The following TNS3 variants were observed in gnomAD, a reference collection of about 807,000 sequenced individuals.
TNS3 encodes the protein tensin 3, also known as tensin-3.
Under a neutral mutation model 140.9 loss-of-function variants are expected in TNS3, and 45 were observed. The ratio of observed to expected loss-of-function variants is 0.32; its 90% confidence interval spans 0.25 to 0.41. The LOEUF is 0.41. TNS3 is among the 10% of genes least tolerant of loss of function. The probability of loss-of-function intolerance (pLI) is 1.00; values close to 1 mark genes in which losing one functional copy is unlikely to be tolerated. For missense variants in TNS3, 1,716 were observed against 1,906.7 expected (o/e 0.90, Z 1.86); for synonymous variants, 815 against 788.4 (o/e 1.03, Z -0.56).
chr7:47,340,624 C>G (rs1362174020), intron 20 of TNS3, among the ~76,000 whole-genome samples: 2 of 132,972 alleles, frequency 1.5e-5, no homozygotes, highest in Non-Finnish European at 3.1e-5. Context: ...CACTGTCGCC[C>G]AGGCTGGAGT....
chr7:47,488,557 A>C (rs1194306017), intron 3 of TNS3, among the ~76,000 whole-genome samples: 1 of 152,222 alleles, frequency 6.6e-6, no homozygotes, highest in East Asian at 1.9e-4. Context: ...TAAGGACACC[A>C]GTCATACTGG....
chr7:47,551,501 G>A (rs888880780), intron 1 of TNS3, among the ~76,000 whole-genome samples: 5 of 152,362 alleles, frequency 3.3e-5, no homozygotes, highest in African/African-American at 1.2e-4. Flanking sequence ...TAGCCACCAG[G>A]AGCAGGGGAG....
At chr7:47,292,994 G>T in intron 25 of TNS3, 89 bp from the exon 26 acceptor site, 1 of 1,163,338 alleles carries the variant, frequency 8.6e-7, no homozygotes, top group Non-Finnish European at 1.3e-6. Flanking sequence ...TGAAACGGAT[G>T]CAAAGGCTGA....
chr7:47,571,164 C>A (rs1800546580), intron 1 of TNS3, among the ~76,000 whole-genome samples: 1 of 152,214 alleles, frequency 6.6e-6, no homozygotes, highest in South Asian at 2.1e-4. Flanking sequence ...TGACCAACCA[C>A]AGATGAAAGA....
intron 3 of TNS3, among the ~76,000 whole-genome samples, chr7:47,496,749 A>C (rs573401517): frequency 3.9e-4 from 59 of 152,342 alleles, no homozygotes; most frequent in Admixed American, 6.5e-4. Flanking sequence ...TCACATCAGA[A>C]GTCCAAGACC....
chr7:47,302,312 C>A lies in TNS3; in HGVS notation c.3458-40G>T, dbSNP rs374487221. ...TTAAAAACAGTGACCATGATGGGCA[C>A]TTTTCTTCTTGCAACCTCTCATCTG... On this transcript the variant is annotated intron_variant, in intron 22 of 30. Coordinates refer to ENST00000311160, the MANE Select transcript of TNS3 (RefSeq NM_022748.12). The A allele has an allele frequency of 7.3e-4, 1,114 of 1,527,192 alleles. 2 individuals carry two copies. Among genetic ancestry groups the A allele is most frequent in the Non-Finnish European group, 9.5e-4 (1,051 of 1,101,152 alleles). 94.6% of individuals were successfully genotyped at this position (1,527,192 alleles called of 1,614,324 possible).
chr7:47,484,667 G>A (rs1267901797), intron 3 of TNS3, among the ~76,000 whole-genome samples: 1 of 152,214 alleles, frequency 6.6e-6, no homozygotes, highest in Non-Finnish European at 1.5e-5. Flanking sequence ...CATCCCTGCT[G>A]GAGCGCACAC....
At chr7:47,286,914 G>A (rs550092524) in intron 27 of TNS3, among the ~76,000 whole-genome samples, 1 of 152,242 alleles carries the variant, frequency 6.6e-6, no homozygotes, top group Admixed American at 6.5e-5. Flanking sequence ...CCAAGTACAA[G>A]GAAAAAGGCA....
chr7:47,417,048 T>C (rs1285787985), intron 10 of TNS3, among the ~76,000 whole-genome samples: 1 of 152,214 alleles, frequency 6.6e-6, no homozygotes, highest in East Asian at 1.9e-4. Flanking sequence ...CTGGGGGTGT[T>C]CTCAGTGCCC....
intron 16 of TNS3, among the ~76,000 whole-genome samples, chr7:47,386,064 C>G (rs1399814951): frequency 3.3e-5 from 5 of 152,228 alleles, no homozygotes; most frequent in Non-Finnish European, 7.3e-5. Context: ...ACTGTCAACA[C>G]CATGAATCCT....
At chr7:47,462,274 A>G (rs1417888555) in intron 4 of TNS3, among the ~76,000 whole-genome samples, 2 of 152,228 alleles carry the variant, frequency 1.3e-5, no homozygotes, top group Non-Finnish European at 2.9e-5. Context: ...TCATTGTCAC[A>G]GCAAGTTATT....
intron 3 of TNS3, among the ~76,000 whole-genome samples, chr7:47,485,733 G>A (rs1411774011): frequency 6.6e-6 from 1 of 152,214 alleles, no homozygotes; most frequent in Non-Finnish European, 1.5e-5. Context: ...AGCTATCCTG[G>A]GATCCTAATC....
intron 2 of TNS3, among the ~76,000 whole-genome samples, chr7:47,515,070 A>G (rs1798735448): frequency 6.6e-6 from 1 of 152,236 alleles, no homozygotes; most frequent in African/African-American, 2.4e-5. Flanking sequence ...CCCATTGCTC[A>G]ATGTCATTTC....
chr7:47,568,491 C>T (rs538933560), intron 1 of TNS3, among the ~76,000 whole-genome samples: 4 of 152,218 alleles, frequency 2.6e-5, no homozygotes, highest in Non-Finnish European at 5.9e-5. Flanking sequence ...TGAGACACAG[C>T]AGGCACTCAC....
chr7:47,443,303 T>C (rs1795561625), intron 4 of TNS3, among the ~76,000 whole-genome samples: 2 of 152,190 alleles, frequency 1.3e-5, no homozygotes, highest in Non-Finnish European at 2.9e-5. Flanking sequence ...TGGCACCGCA[T>C]GGCCACTGCC....
At position 47,533,123 on chromosome 7, in the gene TNS3, A is replaced by ATATATTTTTTT. The variant is rs1186427934; in HGVS notation, c.-264-3977_-264-3976insAAAAAAATATA. 3.8e-4 allele frequency among the ~76,000 whole-genome samples: 34 copies of ATATATTTTTTT among 88,822 alleles called. 2 individuals are homozygous for ATATATTTTTTT. The highest frequency in any genetic ancestry group is 2.1e-3 in the African/African-American group (34 of 16,006). 58.3% of individuals were successfully genotyped at this position (88,822 alleles called of 152,430 possible). ...AGATTTTATATATATATATATATATATTTTTTTTTTTTTTTTTTTTTTTTT... is the reference window on the plus strand; with the variant it reads ...AGATTTTATATATATATATATATATATATATTTTTTTTTTTTTTTTTTTTTTTTTTTTTTTT... On this transcript the variant is annotated intron_variant, in intron 1 of 30. Transcript: ENST00000311160.
intron 1 of TNS3, among the ~76,000 whole-genome samples, chr7:47,548,414 G>T (rs926653030): frequency 2.0e-5 from 3 of 152,092 alleles, no homozygotes; most frequent in Non-Finnish European, 4.4e-5. Flanking sequence ...AAGGTTCATG[G>T]GCTCCAGAAT....
At chr7:47,326,924 G>A (rs1020716155) in intron 20 of TNS3, among the ~76,000 whole-genome samples, 2 of 152,292 alleles carry the variant, frequency 1.3e-5, no homozygotes, top group Admixed American at 6.5e-5. Flanking sequence ...TGCAGTGCTC[G>A]TTTCACAATA....
At chr7:47,315,418 G>C (rs535303559) in intron 20 of TNS3, among the ~76,000 whole-genome samples, 51 of 152,338 alleles carry the variant, frequency 3.3e-4, no homozygotes, top group Non-Finnish European at 6.0e-4. Flanking sequence ...CTTCAGGAAT[G>C]TCTATGCTCC....
Sources: allele counts gnomAD v4.1 joint callset (sites outside exome capture counted in the v4.1 genomes callset), GRCh38; gene constraint gnomAD v4.1.1; transcripts MANE v1.5; gene names NCBI Gene and HGNC (gene_info 2026-07-23, HGNC 2026-07-21).